Variants in HSPA12A observed in about 807,000 individuals in gnomAD.
HSPA12A encodes the protein heat shock protein family A (Hsp70) member 12A.
A neutral mutation model predicts 69.2 loss-of-function variants in HSPA12A; 28 were observed. The observed-to-expected ratio is 0.40, with a 90% CI of 0.30 to 0.55. The LOEUF (loss-of-function observed/expected upper bound fraction) is 0.55. Among genes scored for constraint, HSPA12A ranks in the 20% least tolerant of loss-of-function variants. The pLI, the probability that HSPA12A is intolerant of heterozygous loss-of-function variation, is 0.38. For missense variants in HSPA12A, 686 were observed against 900.7 expected, an observed-to-expected ratio of 0.76 and a Z score of 3.05; for synonymous variants, 345 against 370.5, an observed-to-expected ratio of 0.93 and a Z score of 0.79.
At chr10:116,754,088 A>C (rs1317278112) in intron 2 of HSPA12A, among the ~76,000 whole-genome samples, 1 of 152,158 alleles carries the variant, frequency 6.6e-6, no homozygotes, top group Non-Finnish European at 1.5e-5. Flanking sequence ...GCTATGAGCA[A>C]TTTAGTCACC....
intron 2 of HSPA12A, among the ~76,000 whole-genome samples, chr10:116,767,259 G>A (rs375442924): frequency 6.6e-6 from 1 of 152,324 alleles, no homozygotes; most frequent in African/African-American, 2.4e-5. Context: ...CACGGAGACT[G>A]GAAGAGGCCA....
intron 7 of HSPA12A, 154 bp downstream of exon 7, chr10:116,683,637 G>C: frequency 1.6e-6 from 1 of 617,098 alleles, no homozygotes; most frequent in Non-Finnish European, 2.5e-6. Context: ...CAGGTAGGGG[G>C]GCTGAGCAGA....
chr10:116,787,314 T>C (rs1444588478), intron 2 of HSPA12A, among the ~76,000 whole-genome samples: 3 of 152,106 alleles, frequency 2.0e-5, no homozygotes, highest in African/African-American at 4.8e-5. Flanking sequence ...AGCTCTTGCA[T>C]TGGTGCTTAA....
chr10:116,801,588 G>T (rs1317983182), intron 2 of HSPA12A, among the ~76,000 whole-genome samples: 1 of 151,968 alleles, frequency 6.6e-6, no homozygotes, highest in African/African-American at 2.4e-5. Flanking sequence ...TCCCACGAGC[G>T]CAATAGCTCA....
intron 2 of HSPA12A, among the ~76,000 whole-genome samples, chr10:116,761,863 TA>T (rs1416424942): frequency 1.3e-5 from 2 of 151,168 alleles, no homozygotes; most frequent in African/African-American, 4.9e-5. Flanking sequence ...CAGGCAGTGA[TA>T]ACAAAAAAAA....
At chr10:116,822,388 G>T (rs1020360810) in intron 2 of HSPA12A, among the ~76,000 whole-genome samples, 1 of 152,202 alleles carries the variant, frequency 6.6e-6, no homozygotes, top group African/African-American at 2.4e-5. Flanking sequence ...TTGTTAGAGG[G>T]GATTTGTGGC....
chr10:116,674,807 C>T lies in HSPA12A; in HGVS notation c.2002G>A (p.Val668Ile). Residue 668 changes from valine to isoleucine, a missense_variant, in exon 12 of 12, where the codon GTT becomes ATT. Physicochemically the swap from Val to Ile is conservative, Grantham distance 29 (BLOSUM62 3). Transcript: ENST00000369209. ...TAGTAATTTAAGAAGTCGATCCCAA[C>T]TTTGACACTCTTCGAAGTGGCTATA... ...IDIATSKSVK[V>I]GIDFLNY 1 of 1,609,356 alleles carries T rather than the reference C, an allele frequency of 6.2e-7. No homozygotes were observed. The highest frequency in any genetic ancestry group is 1.1e-5 in the South Asian group (1 of 91,042).
chr10:116,841,545 A>T (rs1845800377), intron 1 of HSPA12A, among the ~76,000 whole-genome samples: 1 of 152,208 alleles, frequency 6.6e-6, no homozygotes, highest in Non-Finnish European at 1.5e-5. Context: ...TGGTATAGAA[A>T]TTTAATCTAA....
intron 8 of HSPA12A, among the ~76,000 whole-genome samples, chr10:116,681,524 G>A (rs531506443): frequency 2.0e-5 from 3 of 152,328 alleles, no homozygotes; most frequent in East Asian, 3.9e-4. Context: ...TACTTAGTGG[G>A]CAGTTTCCTG....
At chr10:116,690,313 C>T (rs1257050505) in intron 6 of HSPA12A, among the ~76,000 whole-genome samples, 1 of 152,156 alleles carries the variant, frequency 6.6e-6, no homozygotes, top group Admixed American at 6.5e-5. Flanking sequence ...AGATCCCTGC[C>T]TTGGTTGGGT....
chr10:116,839,269 G>A (rs926543203), intron 1 of HSPA12A, among the ~76,000 whole-genome samples: 1 of 152,214 alleles, frequency 6.6e-6, no homozygotes, highest in East Asian at 1.9e-4. Context: ...CATTTCAACC[G>A]CAGTGTTTAG....
rs140785704 is a variant in HSPA12A at position 116,790,092 on chromosome 10, CTTTTTTTTT to C, written c.91+44834_91+44842del. Among the ~76,000 whole-genome samples, 16 of 69,146 alleles carry C rather than the reference CTTTTTTTTT, an allele frequency of 2.3e-4. 1 individual carries two copies. In the South Asian group the frequency reaches 9.5e-3, roughly 41 times the overall value. 45.4% of individuals were successfully genotyped at this position (69,146 alleles called of 152,430 possible). A position where few individuals can be genotyped will look rare whatever the true frequency, so the allele number is the denominator to read the frequency against. Reference sequence around the variant, plus strand: ...CATGGTATGGACCCTGATAATCTTTCTTTTTTTTTTTTTTTTTTTTTTTTTTTGAGACAG... The same window carrying C: ...CATGGTATGGACCCTGATAATCTTTCTTTTTTTTTTTTTTTTTTGAGACAG... On this transcript the variant is annotated intron_variant, in intron 2 of 12. Transcript: ENST00000635765.
At position 116,819,107 on chromosome 10, in the gene HSPA12A, C is replaced by T. The variant is rs188290921; in HGVS notation, c.91+15828G>A. Among the ~76,000 whole-genome samples, 76 of 152,286 alleles carry T rather than the reference C, an allele frequency of 5.0e-4. 2 individuals carry two copies. The East Asian group carries it at 0.014, about 28-fold the overall frequency. ...CTTTTCCTCTTCTTCACAAGCAGCA[C>T]CCCCAAGCCCTGTGTCCCGTGACAC... is the stretch of plus-strand genomic sequence containing the variant. On this transcript the variant is annotated intron_variant, in intron 2 of 12. Transcript: ENST00000635765.
intron 2 of HSPA12A, among the ~76,000 whole-genome samples, chr10:116,768,250 A>G (rs1177829008): frequency 6.6e-6 from 1 of 152,262 alleles, no homozygotes; most frequent in East Asian, 1.9e-4. Flanking sequence ...AGCCAGATGC[A>G]AAAGACCACA....
intron 1 of HSPA12A, among the ~76,000 whole-genome samples, chr10:116,728,077 G>A (rs1246718396): frequency 6.6e-6 from 1 of 151,990 alleles, no homozygotes; most frequent in East Asian, 1.9e-4. Context: ...CAAAGTACTG[G>A]GATTACAGGC....
intron 2 of HSPA12A, among the ~76,000 whole-genome samples, chr10:116,823,369 C>G (rs750587590): frequency 6.6e-5 from 10 of 152,062 alleles, no homozygotes; most frequent in Non-Finnish European, 1.2e-4. Context: ...TGGCAATGCC[C>G]CCCCAAATGA....
Position 116,675,273 on chromosome 10 carries a change from G to A in HSPA12A, c.1536C>T (p.Leu512=). ...CRIIIPQDVG[L]TILKGAVLFG... ...AGAGGACGGCACCCTTGAGGATGGT[G>A]AGGCCCACGTCCTGGGGGATGATGA... Residue 512 remains leucine, a synonymous_variant, in exon 12 of 12, where the codon CTC becomes CTT. Transcript: ENST00000369209. The surrounding 1 kb of genome is among the most constrained non-coding windows in gnomAD (Gnocchi z 5.2). 4 of 1,613,694 alleles carry A rather than the reference G, an allele frequency of 2.5e-6. No homozygotes were observed. The highest frequency in any genetic ancestry group is 3.4e-6 in the Non-Finnish European group (4 of 1,180,044).
At chr10:116,692,267 G>A (rs1251274010) in intron 6 of HSPA12A, 84 bp downstream of exon 6, 7 of 1,002,494 alleles carry the variant, frequency 7.0e-6, no homozygotes, top group Non-Finnish European at 1.1e-5. Flanking sequence ...AATGTGGGAG[G>A]TACCTGGGCG....
intron 2 of HSPA12A, among the ~76,000 whole-genome samples, chr10:116,794,070 G>A (rs1844761664): frequency 2.6e-5 from 4 of 151,980 alleles, no homozygotes; most frequent in Non-Finnish European, 4.4e-5. Context: ...AGGCGTGGTG[G>A]TGGGCGCCTG....
Sources: allele counts gnomAD v4.1 joint callset (sites outside exome capture counted in the v4.1 genomes callset), GRCh38; gene constraint gnomAD v4.1.1; non-coding constraint Gnocchi (gnomAD v3.1); transcripts MANE v1.5; gene names NCBI Gene and HGNC (gene_info 2026-07-23, HGNC 2026-07-21).